Variants in LRRC71 observed in about 807,000 individuals in gnomAD.
LRRC71 encodes leucine-rich repeat-containing protein 71.
In LRRC71, 54 loss-of-function variants were observed where a neutral mutation model predicts 66.6. The ratio of observed to expected loss-of-function variants is 0.81; its 90% CI spans 0.65 to 1.02. The LOEUF (loss-of-function observed/expected upper bound fraction) is 1.02. Ranked by LOEUF, LRRC71 falls within the 50% of genes least tolerant of loss-of-function variation. LRRC71 has a pLI of 0.00. For synonymous variants in LRRC71, 323 were observed against 303.9 expected (o/e 1.06, Z -0.65); for missense variants, 724 against 718.0 (o/e 1.01, Z -0.10).
At chr1:156,925,542 G>T (rs78365228) in intron 5 of LRRC71, among the ~76,000 whole-genome samples, 2,909 of 152,348 alleles carry the variant, frequency 0.019, 44 homozygotes, top group South Asian at 0.055. Context: ...CTGCCTGGAG[G>T]AGGTGGTACT....
In LRRC71 at chr1:156,927,579, G is replaced by T; in HGVS notation, c.746G>T (p.Ser249Ile). ...GGCCAGGCGCTGTCCACGCTGCACAGCTGCAACCGGACCCTCGTCTCGCTC... is the reference window on the plus strand; with the variant it reads ...GGCCAGGCGCTGTCCACGCTGCACATCTGCAACCGGACCCTCGTCTCGCTC... ...LLGQALSTLH[S>I]CNRTLVSLNL... The change falls in exon 7 of 15, where the codon AGC (serine) becomes ATC (isoleucine). Residue 249 changes from serine (S) to isoleucine (I), a missense_variant. Coordinates refer to ENST00000337428, the MANE Select transcript of LRRC71 (RefSeq NM_144702.3). The T allele has an allele frequency of 1.9e-6, 3 of 1,597,226 alleles. No individual in the cohort carries two copies. Among genetic ancestry groups the T allele is most frequent in the South Asian group, 1.1e-5 (1 of 87,748 alleles).
intron 9 of LRRC71, 149 bp downstream of exon 9, chr1:156,928,153 CTT>C (rs1653528335): frequency 3.7e-6 from 3 of 813,900 alleles, no homozygotes; most frequent in Admixed American, 2.5e-5. Context: ...TCTGCACAGA[CTT>C]TTGCCAAGCC....
chr1:156,928,349 T>TCC, intron 9 of LRRC71, among the ~76,000 whole-genome samples: 2 of 151,096 alleles, frequency 1.3e-5, no homozygotes, highest in South Asian at 2.1e-4. Flanking sequence ...TCTTCTTTCT[T>TCC]TCTCTTCTTC....
downstream of LRRC71, among the ~76,000 whole-genome samples, chr1:156,936,496 AAATATATATAT>A (rs1158711010): frequency 6.4e-5 from 5 of 77,720 alleles, no homozygotes; most frequent in Non-Finnish European, 9.3e-5. Context: ...AAAAAAAAAA[AAATATATATAT>A]ATATATATAT....
At chr1:156,927,684 G>A (rs763904758) in intron 7 of LRRC71, 29 bp downstream of exon 7, 13 of 1,606,734 alleles carry the variant, frequency 8.1e-6, no homozygotes, top group African/African-American at 1.3e-5. Flanking sequence ...GGGACCTGCT[G>A]GGAGCAGGGG....
At chr1:156,936,727 C>A (rs868600731), downstream of LRRC71, 2 of 1,415,452 alleles carry the variant, frequency 1.4e-6, no homozygotes, top group South Asian at 1.4e-5. Flanking sequence ...CTCAGAACCA[C>A]CATCTCTCAC....
At chr1:156,936,774 TC>T, downstream of LRRC71, 1 of 1,584,176 alleles carries the variant, frequency 6.3e-7, no homozygotes, top group African/African-American at 1.3e-5. Context: ...GGCAGACTTC[TC>T]CCCCAATGGT....
At chr1:156,923,133 C>T (rs1328716041) in intron 1 of LRRC71, among the ~76,000 whole-genome samples, 1 of 152,216 alleles carries the variant, frequency 6.6e-6, no homozygotes, top group Non-Finnish European at 1.5e-5. Flanking sequence ...AGGCTCCCTA[C>T]TGCTGAGCTG....
At chr1:156,937,364 C>T (rs368697194), downstream of LRRC71, 4 of 1,611,540 alleles carry the variant, frequency 2.5e-6, no homozygotes, top group African/African-American at 4.0e-5. Flanking sequence ...ATCGTTGCCT[C>T]CCTGCAGCTG....
downstream of LRRC71, chr1:156,936,186 G>A: frequency 1.0e-6 from 1 of 989,240 alleles, no homozygotes; most frequent in South Asian, 1.3e-5. Flanking sequence ...AGAAACCCCA[G>A]TTTCTCGTAG....
At chr1:156,935,910 A>C (rs1439020187), downstream of LRRC71, 2 of 1,379,904 alleles carry the variant, frequency 1.4e-6, no homozygotes, top group Non-Finnish European at 2.0e-6. Flanking sequence ...CACAGGGAGG[A>C]GTGTTGGGAT....
rs369241615 is a variant in LRRC71, at chr1:156,929,377, C to T, written c.1094C>T (p.Thr365Met). The change falls in exon 10 of 15, where the codon ACG becomes ATG. Residue 365 changes from threonine (T) to methionine (M), a missense_variant. Physicochemically the swap from Thr to Met is moderately conservative, Grantham distance 81 (BLOSUM62 -1). Transcript: ENST00000337428. Reference sequence around the variant, plus strand: ...GCATTGGTGGACAAGACAGACAAGACGCAGACAATGAAAACCCCTAAGGGC... The same window carrying T: ...GCATTGGTGGACAAGACAGACAAGATGCAGACAATGAAAACCCCTAAGGGC... ...NSALVDKTDK[T>M]QTMKTPKGLG... 2.1e-4 allele frequency: 340 copies of T among 1,613,730 alleles called. No individual in the cohort carries two copies. Among genetic ancestry groups the T allele is most frequent in the Admixed American group, 2.8e-4 (17 of 59,988 alleles).
At position 156,920,723 on chromosome 1, in the gene LRRC71, C is replaced by T. The variant is rs1259227789; in HGVS notation, c.-81C>T. The T allele has an allele frequency of 2.4e-5, 33 of 1,388,036 alleles. No individual in the cohort carries two copies. In the East Asian group the frequency reaches 8.2e-4, roughly 34 times the overall value. The allele number at this position is 1,388,036 out of a possible 1,614,324, so 86.0% of individuals were successfully genotyped here. ...GAACAGAGATCCCCTGATTCAGCCA[C>T]CCCCAGACTGAGCCCCGTAGAGTGC... On this transcript the variant is annotated 5_prime_UTR_variant, in exon 1 of 15. Coordinates refer to ENST00000337428, the MANE Select transcript of LRRC71 (RefSeq NM_144702.3). This position sits in a 1 kb window ranked among gnomAD's most constrained non-coding sequence, Gnocchi z 4.9.
At chr1:156,939,498 C>A in the LRRC71 span, 1 of 1,601,222 alleles carries the variant, frequency 6.2e-7, no homozygotes, top group East Asian at 2.2e-5. Context: ...AGACTTATCT[C>A]ACCTAGCAAG....
chr1:156,937,466 C>T (rs746124381), downstream of LRRC71: 3 of 1,534,514 alleles, frequency 2.0e-6, no homozygotes, highest in Non-Finnish European at 1.7e-6. Context: ...GTCCGGGGGT[C>T]CTGATGGCAT....
Position 156,920,857 on chromosome 1 carries a change from G to A in LRRC71, c.54G>A (p.Gly18=). 6.5e-7 allele frequency: 1 copy of A among 1,539,534 alleles called. No individual in the cohort carries two copies. Among genetic ancestry groups the A allele is most frequent in the Non-Finnish European group, 8.8e-7 (1 of 1,141,614 alleles). Residue 18 remains glycine (G), a synonymous_variant, in exon 1 of 15, where the codon GGG becomes GGA. Coordinates refer to ENST00000337428, the MANE Select transcript of LRRC71 (RefSeq NM_144702.3). This position sits in a 1 kb window ranked among gnomAD's most constrained non-coding sequence, Gnocchi z 4.9. ...CCTCACCCAGGGCCCCGCGTCCGGG[G>A]ACCCAGAAGTCTTCTGGCGCGGTGA... ...PGASPRAPRP[G]TQKSSGAVTK... is the part of the protein sequence containing the mutation.
In LRRC71 at chr1:156,924,747, G is replaced by T. The variant is rs529389844; in HGVS notation, c.515+29G>T. 170 of 1,550,194 alleles carry T rather than the reference G, an allele frequency of 1.1e-4. No individual in the cohort carries two copies. The African/African-American group carries it at 2.1e-3, about 19-fold the overall frequency. On this transcript the variant is annotated intron_variant, in intron 4 of 14. Transcript: ENST00000337428. Reference sequence around the variant, plus strand: ...AGAGGCACTGAGGGGATGGGCGGGGGACCAGAGTGGGAGTTGGGGCTCCTG... The same window carrying T: ...AGAGGCACTGAGGGGATGGGCGGGGTACCAGAGTGGGAGTTGGGGCTCCTG...
chr1:156,937,708 C>T (rs1655785085), downstream of LRRC71, among the ~76,000 whole-genome samples: 2 of 152,146 alleles, frequency 1.3e-5, no homozygotes, highest in Non-Finnish European at 2.9e-5. Flanking sequence ...CAGTCTGGCC[C>T]CAAGCTGGGG....
Position 156,932,854 on chromosome 1 carries a change from A to G in LRRC71, c.1565A>G (p.Lys522Arg). 1 of 1,607,998 alleles carries G rather than the reference A, an allele frequency of 6.2e-7. No homozygotes were observed. Among genetic ancestry groups the G allele is most frequent in the African/African-American group, 1.3e-5 (1 of 74,754 alleles). ...TGTCAGCCTTCCTTTTCTTTTCAGAAAAATTGCTTCGCCCCACAATGTCCT... is the reference window on the plus strand; with the variant it reads ...TGTCAGCCTTCCTTTTCTTTTCAGAGAAATTGCTTCGCCCCACAATGTCCT... ...PVGLLWLSLA[K>R]NCFAPQCPAY... Residue 522 changes from lysine to arginine, a missense_variant and splice_region_variant, in exon 15 of 15, where the codon AAA becomes AGA. By Grantham distance (26) the Lys-to-Arg change is conservative. Coordinates refer to ENST00000337428, the MANE Select transcript of LRRC71 (RefSeq NM_144702.3).
Sources: allele counts gnomAD v4.1 joint callset (sites outside exome capture counted in the v4.1 genomes callset), GRCh38; gene constraint gnomAD v4.1.1; non-coding constraint Gnocchi (gnomAD v3.1); transcripts MANE v1.5; gene names NCBI Gene and HGNC (gene_info 2026-07-23, HGNC 2026-07-21).